The following MMS19 variants were observed in gnomAD, a reference collection of about 807,000 sequenced individuals.
MMS19 encodes the protein MMS19 cytosolic iron-sulfur assembly component.
Under a neutral mutation model 129.8 loss-of-function variants are expected in MMS19, and 77 were observed. The ratio of observed to expected loss-of-function variants is 0.59; its 90% CI spans 0.49 to 0.72. The LOEUF (loss-of-function observed/expected upper bound fraction) is 0.72. Among genes scored for constraint, MMS19 ranks in the 30% least tolerant of loss-of-function variants. The pLI is 0.00. For synonymous variants in MMS19, 491 were observed against 502.8 expected (o/e 0.98, Z 0.31); for missense variants, 1,168 against 1,266.3 (o/e 0.92, Z 1.18).
At position 97,460,713 on chromosome 10, in the gene MMS19, G is replaced by A. The variant is rs201388911; in HGVS notation, c.2451C>T (p.Ser817=). ...KALVLRYHPL[S]SCLTARLMGL... ...GACGTACCCGGGCTGTAAGGCAGGA[G>A]CTGAGAGGATGGTATCTGAGCACTA... The change falls in exon 25 of 31, where the codon AGC becomes AGT. Residue 817 remains serine, a synonymous_variant. Transcript: ENST00000438925. The A allele has an allele frequency of 3.1e-6, 5 of 1,597,872 alleles. No homozygotes were observed. Among genetic ancestry groups the A allele is most frequent in the East Asian group, 4.5e-5 (2 of 44,512 alleles).
At chr10:97,482,736 A>G (rs1312078283) in intron 2 of MMS19, among the ~76,000 whole-genome samples, 1 of 78,424 alleles carries the variant, frequency 1.3e-5, no homozygotes, top group East Asian at 5.5e-4. Context: ...GTGTATATAT[A>G]TACACACACA....
chr10:97,470,624 G>C, intron 9 of MMS19, 151 bp downstream of exon 9: 1 of 576,646 alleles, frequency 1.7e-6, no homozygotes. Flanking sequence ...TTTCTACATC[G>C]AAGGTCTGAA....
chr10:97,470,210 G>A lies in MMS19; in HGVS notation c.772-7C>T. On this transcript the variant is annotated splice_polypyrimidine_tract_variant and splice_region_variant and intron_variant, in intron 9 of 30. Coordinates refer to ENST00000438925, the MANE Select transcript of MMS19 (RefSeq NM_022362.5). ...TCAACAGGGGCAGCAGAAACTGTGG[G>A]ACAGAAGGAAGATCTTAAGCCTGAG... 6.3e-7 allele frequency: 1 copy of A among 1,599,174 alleles called. No homozygotes were observed.
chr10:97,468,526 T>G (rs1412863026), intron 12 of MMS19, 120 bp from the exon 13 acceptor site: 1 of 982,698 alleles, frequency 1.0e-6, no homozygotes, highest in African/African-American at 1.7e-5. Context: ...ACACTCAAAT[T>G]GTTTTCAATT....
intron 23 of MMS19, 92 bp from the exon 24 acceptor site, chr10:97,461,099 G>C (rs1345589842): frequency 6.8e-6 from 7 of 1,028,230 alleles, no homozygotes; most frequent in Admixed American, 5.5e-5. Flanking sequence ...AGCTCCCTGA[G>C]AAGCTGTTAG....
chr10:97,479,156 C>T (rs879479953), intron 3 of MMS19, among the ~76,000 whole-genome samples: 8 of 152,132 alleles, frequency 5.3e-5, no homozygotes, highest in Non-Finnish European at 1.2e-4. Flanking sequence ...CCCTTCTTGC[C>T]TATTAAACTC....
chr10:97,459,520 AAAG>A lies in MMS19; in HGVS notation c.2743_2745del (p.Leu915del). The A allele has an allele frequency of 3.7e-6, 6 of 1,612,488 alleles. No individual in the cohort carries two copies. The highest frequency in any genetic ancestry group is 5.1e-6 in the Non-Finnish European group (6 of 1,178,916). ...CAGGACAGGGCCTCCAGCAGCAAGG[AAAG>A]AAGCTAAGGGGCAATGGGCAAGGTA... On this transcript the variant is annotated inframe_deletion, in exon 28 of 31. Coordinates refer to ENST00000438925, the MANE Select transcript of MMS19 (RefSeq NM_022362.5).
rs771917809 is a variant in MMS19 at position 97,466,455 on chromosome 10, T to C, written c.1505+49A>G. The C allele has an allele frequency of 2.8e-6, 4 of 1,430,400 alleles. No homozygotes were observed. In the African/African-American group the frequency reaches 4.2e-5, roughly 15 times the overall value. 88.6% of individuals were successfully genotyped at this position (1,430,400 alleles called of 1,614,324 possible). A position where few individuals can be genotyped will look rare whatever the true frequency, so the allele number is the denominator to read the frequency against. On this transcript the variant is annotated intron_variant, in intron 16 of 30. Coordinates refer to ENST00000438925, the MANE Select transcript of MMS19 (RefSeq NM_022362.5). Reference sequence around the variant, plus strand: ...TCCTAGCTTGATCTTTTGCTGCCAATACAGAGGCAGGGAACAGCTTGCTCT... The same window carrying C: ...TCCTAGCTTGATCTTTTGCTGCCAACACAGAGGCAGGGAACAGCTTGCTCT...
intron 14 of MMS19, 54 bp downstream of exon 14, chr10:97,467,451 A>G: frequency 7.2e-7 from 1 of 1,384,702 alleles, no homozygotes; most frequent in Non-Finnish European, 1.0e-6. Flanking sequence ...GCTATCCTTT[A>G]TAGGCTGAAG....
At chr10:97,492,586 C>T (rs2039096729) in intron 1 of MMS19, among the ~76,000 whole-genome samples, 1 of 151,494 alleles carries the variant, frequency 6.6e-6, no homozygotes, top group South Asian at 2.1e-4. Flanking sequence ...TGGTGGCTCA[C>T]ACCTGTAATC....
At chr10:97,475,123 C>T (rs1185195722) in intron 8 of MMS19, among the ~76,000 whole-genome samples, 1 of 152,094 alleles carries the variant, frequency 6.6e-6, no homozygotes, top group Admixed American at 6.6e-5. Flanking sequence ...TATTATGCAG[C>T]CATAAAGAAT....
chr10:97,481,558 T>C (rs2036802776), intron 2 of MMS19, among the ~76,000 whole-genome samples: 1 of 152,148 alleles, frequency 6.6e-6, no homozygotes, highest in African/African-American at 2.4e-5. Flanking sequence ...CAAAACTTTA[T>C]AACTGGAAGG....
chr10:97,495,195 G>T (rs559691405), intron 1 of MMS19, among the ~76,000 whole-genome samples: 17 of 152,310 alleles, frequency 1.1e-4, no homozygotes, highest in Non-Finnish European at 2.2e-4. Flanking sequence ...GAATAAAGGT[G>T]GCTGCCTGGA....
intron 1 of MMS19, among the ~76,000 whole-genome samples, chr10:97,484,382 C>T (rs1007452122): frequency 3.3e-5 from 5 of 151,808 alleles, no homozygotes; most frequent in Non-Finnish European, 5.9e-5. Flanking sequence ...ATGACATGAG[C>T]GTATATCCTG....
rs552022013 is a variant in MMS19 at position 97,465,935 on chromosome 10, G to A, written c.1626C>T (p.Asn542=). The A allele has an allele frequency of 8.1e-6, 13 of 1,613,834 alleles. No homozygotes were observed. The highest frequency in any genetic ancestry group is 4.4e-5 in the South Asian group (4 of 91,068). Residue 542 remains asparagine (N), a synonymous_variant, in exon 18 of 31, where the codon AAC becomes AAT. Transcript: ENST00000438925. ...GGGAGCATTGGGTGGGCTCATCTCC[G>A]TTAGTCAAATTTGACTCCCCTGAAA... The part of the protein sequence containing the change: ...ELRVGESNLT[N]GDEPTQCSRH...
rs763962744 is a variant in MMS19, at chr10:97,476,845, G to C, written c.612C>G (p.Asp204Glu). 3.1e-6 allele frequency: 5 copies of C among 1,613,892 alleles called. No individual in the cohort carries two copies. Among genetic ancestry groups the C allele is most frequent in the Admixed American group, 1.7e-5 (1 of 59,994 alleles). Residue 204 changes from aspartate to glutamate, a missense_variant, in exon 7 of 31, where the codon GAC becomes GAG. Physicochemically the swap from Asp to Glu is conservative, Grantham distance 45 (BLOSUM62 2). Coordinates refer to ENST00000438925, the MANE Select transcript of MMS19 (RefSeq NM_022362.5). The stretch of plus-strand genomic sequence containing the variant: ...GCTACCACGATATACCCAGGCTATA[G>C]TCCCTGGAGATGAGGTCATGGACGA... ...FRIVHDLISR[D>E]YSLGPFVEEL...
chr10:97,475,324 A>G (rs530783108), intron 8 of MMS19, among the ~76,000 whole-genome samples: 173 of 152,330 alleles, frequency 1.1e-3, no homozygotes, highest in African/African-American at 4.1e-3. Flanking sequence ...AGATACAAAC[A>G]TAACTGATAA....
chr10:97,464,163 G>T, intron 18 of MMS19, 150 bp from the exon 19 acceptor site: 1 of 694,566 alleles, frequency 1.4e-6, no homozygotes. Flanking sequence ...TCTCCTGGCT[G>T]TTCTTTCTGA....
At chr10:97,473,273 T>A (rs1269963553) in intron 8 of MMS19, among the ~76,000 whole-genome samples, 1 of 152,054 alleles carries the variant, frequency 6.6e-6, no homozygotes, top group Non-Finnish European at 1.5e-5. Flanking sequence ...TGACCTCAAG[T>A]GATCCACCCG....
Sources: allele counts gnomAD v4.1 joint callset (sites outside exome capture counted in the v4.1 genomes callset), GRCh38; gene constraint gnomAD v4.1.1; transcripts MANE v1.5; gene names NCBI Gene and HGNC (gene_info 2026-07-23, HGNC 2026-07-21).